The following ULK4 variants were observed in gnomAD, a reference collection of about 807,000 sequenced individuals.
ULK4 encodes inactive serine/threonine-protein kinase ULK4.
Under a neutral mutation model 160.6 loss-of-function variants are expected in ULK4, and 133 were observed. The observed-to-expected ratio is 0.83, with a 90% CI of 0.72 to 0.96. ULK4 has a LOEUF of 0.96. ULK4 is among the 40% of genes least tolerant of loss of function. The pLI is 0.00. For missense variants in ULK4, 1,580 were observed against 1,499.5 expected, an observed-to-expected ratio of 1.05 and a Z score of -0.89; for synonymous variants, 534 against 539.8, an observed-to-expected ratio of 0.99 and a Z score of 0.15.
At chr3:41,883,519 T>C (rs1246027294) in intron 17 of ULK4, among the ~76,000 whole-genome samples, 2 of 152,254 alleles carry the variant, frequency 1.3e-5, no homozygotes, top group African/African-American at 4.8e-5. Context: ...AAGGCCAAAA[T>C]AATTTGAATT....
chr3:41,955,897 C>T (rs1398365070), intron 1 of ULK4: 2 of 152,072 alleles, frequency 1.3e-5, no homozygotes, highest in Non-Finnish European at 2.9e-5. Context: ...TTACTTTCTC[C>T]GTTACAATGG....
At chr3:41,642,731 T>C (rs1051015079) in intron 30 of ULK4, among the ~76,000 whole-genome samples, 4 of 152,212 alleles carry the variant, frequency 2.6e-5, no homozygotes, top group African/African-American at 9.6e-5. Context: ...GGTCAAATGG[T>C]ATTTCTAGTT....
chr3:41,413,794 A>G (rs2082463190), intron 34 of ULK4, among the ~76,000 whole-genome samples: 1 of 152,128 alleles, frequency 6.6e-6, no homozygotes. Flanking sequence ...ACTTCACCCT[A>G]TATTATTTCC....
chr3:41,850,413 T>C (rs1453163051), intron 17 of ULK4, among the ~76,000 whole-genome samples: 1 of 152,030 alleles, frequency 6.6e-6, no homozygotes, highest in Non-Finnish European at 1.5e-5. Context: ...GTTGAACTAG[T>C]TTACAGTCCC....
At chr3:41,912,694 TCTC>T in intron 9 of ULK4, 110 bp downstream of exon 9, 1 of 882,410 alleles carries the variant, frequency 1.1e-6, no homozygotes, top group Non-Finnish European at 1.7e-6. Flanking sequence ...CGCTGGATTT[TCTC>T]CTACTACGAA....
At chr3:41,862,615 C>T (rs993283047) in intron 17 of ULK4, among the ~76,000 whole-genome samples, 1 of 152,168 alleles carries the variant, frequency 6.6e-6, no homozygotes, top group African/African-American at 2.4e-5. Context: ...GGGGGCACCC[C>T]GTGCCCAGTA....
chr3:41,829,203 AC>A (rs1265752626), intron 18 of ULK4, among the ~76,000 whole-genome samples: 2 of 149,514 alleles, frequency 1.3e-5, no homozygotes, highest in Non-Finnish European at 3.0e-5. Flanking sequence ...CTAGAAGAAA[AC>A]CTAGGCAATA....
chr3:41,727,624 A>G (rs1260457395), intron 22 of ULK4, among the ~76,000 whole-genome samples: 1 of 152,234 alleles, frequency 6.6e-6, no homozygotes, highest in African/African-American at 2.4e-5. Context: ...GCACAGTGTA[A>G]GAAAAGATCA....
intron 20 of ULK4, among the ~76,000 whole-genome samples, chr3:41,795,940 T>C (rs1303911726): frequency 3.9e-5 from 6 of 152,214 alleles, no homozygotes; most frequent in Non-Finnish European, 7.3e-5. Context: ...GTTGACCAGC[T>C]GGTTGTAAAC....
chr3:41,802,039 C>T (rs1575733138), intron 19 of ULK4, among the ~76,000 whole-genome samples: 1 of 151,434 alleles, frequency 6.6e-6, no homozygotes, highest in African/African-American at 2.4e-5. Context: ...TGTCAACCTA[C>T]AAATTTATGC....
chr3:41,861,046 A>AT (rs1447341095), intron 17 of ULK4, among the ~76,000 whole-genome samples: 2 of 152,202 alleles, frequency 1.3e-5, no homozygotes, highest in African/African-American at 4.8e-5. Flanking sequence ...CTATGCCTTA[A>AT]TATCATGCCC....
intron 34 of ULK4, among the ~76,000 whole-genome samples, chr3:41,423,630 CAAG>C (rs2082710169): frequency 6.6e-6 from 1 of 152,094 alleles, no homozygotes; most frequent in Non-Finnish European, 1.5e-5. Flanking sequence ...AGGCTCCCAC[CAAG>C]AAGAATGTAA....
intron 32 of ULK4, among the ~76,000 whole-genome samples, chr3:41,530,751 G>C (rs1285014011): frequency 6.6e-6 from 1 of 152,148 alleles, no homozygotes; most frequent in Non-Finnish European, 1.5e-5. Context: ...CAATAATGAA[G>C]TAAAATGAAT....
intron 35 of ULK4, among the ~76,000 whole-genome samples, chr3:41,271,341 T>C (rs2079134944): frequency 6.6e-6 from 1 of 151,982 alleles, no homozygotes; most frequent in Non-Finnish European, 1.5e-5. Flanking sequence ...GCTTCCTTCA[T>C]AAACCATAAT....
intron 25 of ULK4, among the ~76,000 whole-genome samples, chr3:41,710,871 G>A (rs902976662): frequency 1.3e-5 from 2 of 152,010 alleles, no homozygotes; most frequent in African/African-American, 4.8e-5. Flanking sequence ...AAAAAGCAGA[G>A]CCCTGGCAGG....
chr3:41,684,373 A>G (rs1386250379), intron 27 of ULK4, among the ~76,000 whole-genome samples: 2 of 152,234 alleles, frequency 1.3e-5, no homozygotes, highest in Non-Finnish European at 2.9e-5. Flanking sequence ...TGTCAGTTAC[A>G]AACGTTGCTG....
intron 4 of ULK4, among the ~76,000 whole-genome samples, chr3:41,934,868 C>T (rs972408448): frequency 2.6e-5 from 4 of 151,906 alleles, no homozygotes; most frequent in South Asian, 2.1e-4. Context: ...CTAAGAGGGC[C>T]TTATCTTATA....
At chr3:41,882,463 C>T (rs1314774905) in intron 17 of ULK4, among the ~76,000 whole-genome samples, 1 of 152,184 alleles carries the variant, frequency 6.6e-6, no homozygotes, top group African/African-American at 2.4e-5. Flanking sequence ...TGGCTGGTGG[C>T]TACTATACTG....
At chr3:41,389,426 G>A (rs530677685) in intron 35 of ULK4, among the ~76,000 whole-genome samples, 1 of 152,286 alleles carries the variant, frequency 6.6e-6, no homozygotes, top group South Asian at 2.1e-4. Context: ...GGAGTGGTGA[G>A]AGAGGGCATT....
Sources: allele counts gnomAD v4.1 joint callset (sites outside exome capture counted in the v4.1 genomes callset), GRCh38; gene constraint gnomAD v4.1.1; transcripts MANE v1.5; gene names NCBI Gene and HGNC (gene_info 2026-07-23, HGNC 2026-07-21).